Variants in PACRG observed in about 807,000 individuals in gnomAD.
PACRG encodes the protein parkin coregulated.
In PACRG, 29 loss-of-function variants were observed where a neutral mutation model predicts 29.7. That is an observed-to-expected ratio of 0.98 (90% CI 0.73 to 1.33). The LOEUF (loss-of-function observed/expected upper bound fraction) is 1.33, where lower values mean the gene tolerates loss of function less well. Ranked by LOEUF, PACRG falls within the 40% of genes most tolerant of loss-of-function variation. The pLI is 0.00. For missense variants in PACRG, 279 were observed against 316.2 expected (o/e 0.88, Z 0.89); for synonymous variants, 116 against 118.7 (o/e 0.98, Z 0.15).
chr6:163,290,355 T>C (rs368630632), intron 4 of PACRG, among the ~76,000 whole-genome samples: 2 of 149,842 alleles, frequency 1.3e-5, no homozygotes, highest in African/African-American at 4.9e-5. Flanking sequence ...TTAATGGGGA[T>C]TGGGTTACAT....
At chr6:162,857,319 A>G (rs905064491) in intron 2 of PACRG, among the ~76,000 whole-genome samples, 2 of 152,226 alleles carry the variant, frequency 1.3e-5, no homozygotes, top group Non-Finnish European at 2.9e-5. Context: ...TTAAGAAATA[A>G]TAAGCCATTG....
chr6:163,024,174 T>G (rs1214772153), intron 2 of PACRG, among the ~76,000 whole-genome samples: 1 of 152,220 alleles, frequency 6.6e-6, no homozygotes, highest in East Asian at 1.9e-4. Context: ...ATTTCCTAGA[T>G]TGCCTTCCAG....
At chr6:162,846,583 G>T (rs1421295217) in intron 2 of PACRG, among the ~76,000 whole-genome samples, 1 of 152,120 alleles carries the variant, frequency 6.6e-6, no homozygotes, top group Non-Finnish European at 1.5e-5. Flanking sequence ...TTTAGTAGGA[G>T]ACTCTAATAA....
chr6:162,728,462 G>A (rs754077401), intron 1 of PACRG, 71 bp downstream of exon 1: 146 of 1,555,602 alleles, frequency 9.4e-5, no homozygotes, highest in Non-Finnish European at 1.2e-4. Flanking sequence ...AGGTTGGCCA[G>A]CCTTAGGATG....
At chr6:163,228,468 A>C (rs1468116509) in intron 4 of PACRG, among the ~76,000 whole-genome samples, 1 of 151,872 alleles carries the variant, frequency 6.6e-6, no homozygotes, top group Non-Finnish European at 1.5e-5. Flanking sequence ...GTGCTGGATT[A>C]ATTCATTAAT....
At chr6:162,917,263 T>C (rs1796759443) in intron 2 of PACRG, among the ~76,000 whole-genome samples, 1 of 152,184 alleles carries the variant, frequency 6.6e-6, no homozygotes, top group Non-Finnish European at 1.5e-5. Flanking sequence ...GCATTTATCC[T>C]GGAGCAGTGA....
intron 2 of PACRG, among the ~76,000 whole-genome samples, chr6:162,878,237 A>G (rs1462358075): frequency 6.6e-6 from 1 of 152,202 alleles, no homozygotes; most frequent in Non-Finnish European, 1.5e-5. Flanking sequence ...CATAATTAAA[A>G]ATTGACATTA....
At chr6:162,782,380 GAT>G (rs1359100077) in intron 1 of PACRG, among the ~76,000 whole-genome samples, 2 of 151,832 alleles carry the variant, frequency 1.3e-5, no homozygotes, top group South Asian at 2.1e-4. Flanking sequence ...TATTACAAAA[GAT>G]GTGAAATATT....
intron 4 of PACRG, among the ~76,000 whole-genome samples, chr6:163,186,943 C>T (rs1045131593): frequency 3.7e-4 from 56 of 152,300 alleles, no homozygotes; most frequent in African/African-American, 1.3e-3. Context: ...ACATTTTCCC[C>T]GGGCTCTGCG....
chr6:162,845,495 A>G lies in PACRG; in HGVS notation c.291+31214A>G, dbSNP rs190849985. Among the ~76,000 whole-genome samples, 124 of 152,280 alleles carry G rather than the reference A, an allele frequency of 8.1e-4. No individual in the cohort carries two copies. In the South Asian group the frequency reaches 0.011, roughly 14 times the overall value. ...GGACAGATAAAATATTTGCTAAAAA[A>G]TTTCAAGTATACACAGTTTTAGACA... is the stretch of plus-strand genomic sequence containing the variant. On this transcript the variant is annotated intron_variant, in intron 2 of 4. Coordinates refer to ENST00000366888, the MANE Select transcript of PACRG (RefSeq NM_001080379.2).
chr6:163,007,441 G>A (rs1034699180), intron 2 of PACRG, among the ~76,000 whole-genome samples: 6 of 152,032 alleles, frequency 3.9e-5, no homozygotes, highest in Non-Finnish European at 7.4e-5. Flanking sequence ...CATATTTCTT[G>A]AAGTGCAGAT....
intron 4 of PACRG, among the ~76,000 whole-genome samples, chr6:163,192,322 C>A (rs1780251025): frequency 6.6e-6 from 1 of 152,240 alleles, no homozygotes; most frequent in African/African-American, 2.4e-5. Flanking sequence ...GGTCTTCCTA[C>A]AGATACTTTC....
chr6:162,780,349 C>A (rs1018935133), intron 1 of PACRG, among the ~76,000 whole-genome samples: 1 of 152,144 alleles, frequency 6.6e-6, no homozygotes, highest in East Asian at 1.9e-4. Context: ...AATATTTGGG[C>A]TCACATTAAT....
At chr6:162,947,614 A>ATATATGAT (rs1562767329) in intron 2 of PACRG, among the ~76,000 whole-genome samples, 5 of 15,054 alleles carry the variant, frequency 3.3e-4, no homozygotes, top group Non-Finnish European at 6.8e-4. Flanking sequence ...ATATAATCAT[A>ATATATGAT]TATATATATA....
chr6:163,201,888 C>A (rs996062968), intron 4 of PACRG, among the ~76,000 whole-genome samples: 2 of 152,198 alleles, frequency 1.3e-5, no homozygotes, highest in Non-Finnish European at 2.9e-5. Flanking sequence ...GGGAGAGAGA[C>A]CTGCCTTCCT....
At chr6:163,155,743 A>G (rs1042488627) in intron 4 of PACRG, among the ~76,000 whole-genome samples, 2 of 152,212 alleles carry the variant, frequency 1.3e-5, no homozygotes, top group Non-Finnish European at 2.9e-5. Flanking sequence ...CCCATTTCAG[A>G]AGCCCTAGCT....
At chr6:163,129,495 T>G (rs1412102350) in intron 4 of PACRG, among the ~76,000 whole-genome samples, 1 of 152,252 alleles carries the variant, frequency 6.6e-6, no homozygotes, top group Non-Finnish European at 1.5e-5. Flanking sequence ...AGAGTCGTTC[T>G]ATTACTTACA....
chr6:162,898,256 G>A (rs1795309261), intron 2 of PACRG, among the ~76,000 whole-genome samples: 1 of 152,188 alleles, frequency 6.6e-6, no homozygotes, highest in African/African-American at 2.4e-5. Flanking sequence ...CCTCTCTGCT[G>A]AGTGGGTTGC....
At chr6:162,980,946 G>T (rs1802364213) in intron 2 of PACRG, among the ~76,000 whole-genome samples, 2 of 151,986 alleles carry the variant, frequency 1.3e-5, no homozygotes, top group African/African-American at 2.4e-5. Flanking sequence ...GCATGGAAAA[G>T]TTCTTTAGAG....
Sources: gnomAD v4.1 joint callset for allele counts (sites outside exome capture counted in the v4.1 genomes callset) on GRCh38, gnomAD v4.1.1 for gene constraint, MANE v1.5 for transcripts, NCBI Gene and HGNC (gene_info 2026-07-23, HGNC 2026-07-21) for gene names.